METTL8: variants seen among roughly 807,000 people sequenced by gnomAD.
The protein encoded by METTL8 is methyltransferase 8, tRNA N3-cytidine.
A neutral mutation model predicts 48.7 loss-of-function variants in METTL8; 32 were observed. That is an observed-to-expected ratio of 0.66 (90% CI 0.50 to 0.88). The LOEUF (loss-of-function observed/expected upper bound fraction) is 0.88. Ranked by LOEUF, METTL8 falls within the 40% of genes least tolerant of loss-of-function variation. The pLI, the probability that METTL8 is intolerant of heterozygous loss-of-function variation, is 0.00. For synonymous variants in METTL8, 136 were observed against 157.1 expected (o/e 0.87, Z 1.01); for missense variants, 464 against 474.4 (o/e 0.98, Z 0.20).
intron 6 of METTL8, 72 bp from the exon 7 acceptor site, chr2:171,330,770 A>G: frequency 1.5e-6 from 2 of 1,302,048 alleles, no homozygotes. Flanking sequence ...TTTTTAAATA[A>G]AAAGGTCAAA....
chr2:171,361,132 C>T (rs1053306631), intron 2 of METTL8, among the ~76,000 whole-genome samples: 1 of 152,058 alleles, frequency 6.6e-6, no homozygotes, highest in East Asian at 1.9e-4. Flanking sequence ...GTTTCAGAAT[C>T]GACTCTCCCT....
At chr2:171,431,020 G>C (rs781779183) in intron 1 of METTL8, among the ~76,000 whole-genome samples, 12 of 152,180 alleles carry the variant, frequency 7.9e-5, no homozygotes, top group Non-Finnish European at 8.8e-5. Flanking sequence ...CATGCCAGAA[G>C]AGAGGCCAAA....
chr2:171,359,926 T>A (rs1326536214), intron 3 of METTL8, among the ~76,000 whole-genome samples: 3 of 152,198 alleles, frequency 2.0e-5, no homozygotes, highest in South Asian at 2.1e-4. Flanking sequence ...GCCAATTTTT[T>A]AAAAGCCATT....
At chr2:171,372,067 T>C (rs1376074664) in intron 2 of METTL8, among the ~76,000 whole-genome samples, 4 of 152,058 alleles carry the variant, frequency 2.6e-5, no homozygotes, top group African/African-American at 9.7e-5. Context: ...TACAATGGGA[T>C]GGAGGTCACA....
intron 1 of METTL8, among the ~76,000 whole-genome samples, chr2:171,419,489 T>C (rs1691662674): frequency 6.6e-6 from 1 of 152,172 alleles, no homozygotes; most frequent in Admixed American, 6.5e-5. Flanking sequence ...ACCATCCAGT[T>C]AATAATTGTT....
At position 171,385,637 on chromosome 2, in the gene METTL8, T is replaced by G. The variant is rs549246916; in HGVS notation, c.143+6406A>C. ...TTCACCACAGGTGTCGGGTGCAGAC[T>G]GGCCAACCCCTTGGGGGGTATGCTA... On this transcript the variant is annotated intron_variant, in intron 2 of 9. Coordinates refer to ENST00000375258, the MANE Select transcript of METTL8 (RefSeq NM_001321154.2). Among the ~76,000 whole-genome samples, 106 of 152,346 alleles carry G rather than the reference T, an allele frequency of 7.0e-4. 2 individuals are homozygous for G. The South Asian group carries it at 0.02, about 29-fold the overall frequency.
At chr2:171,420,821 C>T (rs1052375801) in intron 1 of METTL8, among the ~76,000 whole-genome samples, 2 of 152,056 alleles carry the variant, frequency 1.3e-5, no homozygotes, top group African/African-American at 2.4e-5. Flanking sequence ...ACAGAAAAGG[C>T]CTCTGATAAA....
chr2:171,407,553 T>G (rs962566404), intron 1 of METTL8, among the ~76,000 whole-genome samples: 1 of 152,170 alleles, frequency 6.6e-6, no homozygotes, highest in African/African-American at 2.4e-5. Context: ...AGAAAGCTTT[T>G]AGTATTGACA....
intron 1 of METTL8, among the ~76,000 whole-genome samples, chr2:171,422,542 G>A (rs1386301118): frequency 1.3e-5 from 2 of 152,112 alleles, no homozygotes; most frequent in Non-Finnish European, 2.9e-5. Context: ...CACATATTGG[G>A]AGAAGACATT....
rs1022062008 is a variant in METTL8, at chr2:171,321,695, G to A, written c.*2477C>T. The A allele has an allele frequency of 2.0e-5, 3 of 152,238 alleles. No individual in the cohort carries two copies. The highest frequency in any genetic ancestry group is 2.0e-4 in the Admixed American group (3 of 15,294). The allele number at this position is 152,238 out of a possible 1,614,324, so 9.4% of individuals were successfully genotyped here. A position where few individuals can be genotyped will look rare whatever the true frequency, so the allele number is the denominator to read the frequency against. ...GCTAGCTGGTAAGTTCCCTATTTGA[G>A]TGTTTGTATATTGTCTTAGATCATG... On this transcript the variant is annotated 3_prime_UTR_variant, in exon 10 of 10. Coordinates refer to ENST00000375258, the MANE Select transcript of METTL8 (RefSeq NM_001321154.2).
At chr2:171,431,200 G>T (rs909640185) in intron 1 of METTL8, among the ~76,000 whole-genome samples, 2 of 152,182 alleles carry the variant, frequency 1.3e-5, no homozygotes, top group African/African-American at 4.8e-5. Context: ...TGCACAGGGG[G>T]CTTGCCTAAA....
chr2:171,423,814 C>T (rs371665077), intron 1 of METTL8, among the ~76,000 whole-genome samples: 8 of 152,162 alleles, frequency 5.3e-5, no homozygotes, highest in South Asian at 4.1e-4. Context: ...GAAATTCAAG[C>T]GAGCTGCAGA....
intron 1 of METTL8, among the ~76,000 whole-genome samples, chr2:171,421,067 TA>T (rs1691821863): frequency 6.6e-6 from 1 of 151,912 alleles, no homozygotes; most frequent in East Asian, 1.9e-4. Flanking sequence ...GAAAGAGAAA[TA>T]AAAAGTAAAA....
At chr2:171,327,908 A>G (rs1321250803) in intron 7 of METTL8, among the ~76,000 whole-genome samples, 1 of 152,240 alleles carries the variant, frequency 6.6e-6, no homozygotes, top group Non-Finnish European at 1.5e-5. Flanking sequence ...TTAGTAAAAC[A>G]AGTATGAAAC....
chr2:171,404,086 T>TC (rs1306205643), intron 1 of METTL8, among the ~76,000 whole-genome samples: 1 of 111,702 alleles, frequency 9.0e-6, no homozygotes, highest in African/African-American at 3.3e-5. Context: ...TATATATATA[T>TC]ATATATATAT....
chr2:171,384,382 C>T (rs943618412), intron 2 of METTL8, among the ~76,000 whole-genome samples: 8 of 152,242 alleles, frequency 5.3e-5, no homozygotes, highest in East Asian at 1.9e-4. Flanking sequence ...TGGTGACACA[C>T]GCCTGTAGTA....
At chr2:171,347,337 C>T (rs948540186) in intron 3 of METTL8, among the ~76,000 whole-genome samples, 3 of 152,182 alleles carry the variant, frequency 2.0e-5, no homozygotes, top group Non-Finnish European at 2.9e-5. Flanking sequence ...AGTCACACTA[C>T]GTACGGTTCT....
intron 1 of METTL8, among the ~76,000 whole-genome samples, chr2:171,402,590 T>C (rs1689750120): frequency 6.6e-6 from 1 of 152,188 alleles, no homozygotes; most frequent in Non-Finnish European, 1.5e-5. Context: ...TCTGTAGATA[T>C]GTATGTATAC....
At chr2:171,425,607 T>C (rs1049771741) in intron 1 of METTL8, among the ~76,000 whole-genome samples, 1 of 152,106 alleles carries the variant, frequency 6.6e-6, no homozygotes, top group Non-Finnish European at 1.5e-5. Context: ...CCAGTGAGGG[T>C]AGAACAGGAC....
Sources: gnomAD v4.1 joint callset for allele counts (sites outside exome capture counted in the v4.1 genomes callset) on GRCh38, gnomAD v4.1.1 for gene constraint, MANE v1.5 for transcripts, NCBI Gene and HGNC (gene_info 2026-07-23, HGNC 2026-07-21) for gene names.